Variants in COL4A4 observed in about 807,000 individuals in gnomAD.
COL4A4 encodes collagen type IV alpha 4 chain.
A neutral mutation model predicts 192.9 loss-of-function variants in COL4A4; 105 were observed. The observed-to-expected ratio is 0.54, with a 90% CI of 0.46 to 0.64. COL4A4 has a LOEUF of 0.64. COL4A4 is among the 30% of genes least tolerant of loss of function. The probability of loss-of-function intolerance (pLI) is 0.00; values close to 1 mark genes in which losing one functional copy is unlikely to be tolerated. For synonymous variants in COL4A4, 762 were observed against 769.9 expected (o/e 0.99, Z 0.17); for missense variants, 1,967 against 2,169.3 (o/e 0.91, Z 1.85).
At chr2:227,149,413 G>A (rs957487195) in intron 1 of COL4A4, among the ~76,000 whole-genome samples, 6 of 152,254 alleles carry the variant, frequency 3.9e-5, no homozygotes, top group East Asian at 3.9e-4. Flanking sequence ...GGTTGGGCCA[G>A]TAAAGCCCCT....
chr2:227,107,614 A>T (rs1346393237), intron 12 of COL4A4, among the ~76,000 whole-genome samples: 7 of 152,128 alleles, frequency 4.6e-5, no homozygotes. Context: ...TGTCTTGCTA[A>T]ATCCCCACAC....
rs1248713354 is a variant in COL4A4, at chr2:227,004,089, C to G, written c.*3236G>C. On this transcript the variant is annotated 3_prime_UTR_variant, in exon 48 of 48. Transcript: ENST00000396625. ...AATGAATTGGCAGTAATGTGTTCAA[C>G]TCTGTGCTAGGCATTAGGCATACAA... 1 of 152,196 alleles carries G rather than the reference C, an allele frequency of 6.6e-6. No homozygotes were observed. The highest frequency in any genetic ancestry group is 1.9e-4 in the East Asian group (1 of 5,196). The allele number at this position is 152,196 out of a possible 1,614,324, so 9.4% of individuals were successfully genotyped here.
At chr2:226,984,523 C>T in the COL4A4 span, among the ~76,000 whole-genome samples, 1 of 152,182 alleles carries the variant, frequency 6.6e-6, no homozygotes, top group African/African-American at 2.4e-5. Context: ...CTCCACATGC[C>T]ATCACATTGA....
At chr2:227,153,359 G>A (rs1343475117) in intron 1 of COL4A4, among the ~76,000 whole-genome samples, 1 of 152,210 alleles carries the variant, frequency 6.6e-6, no homozygotes, top group Non-Finnish European at 1.5e-5. Context: ...CTGCAGAGGT[G>A]CTGTGCCTTT....
At position 227,050,086 on chromosome 2, in the gene COL4A4, C is replaced by G. The variant is rs1333536476; in HGVS notation, c.3196G>C (p.Gly1066Arg). 6.2e-6 allele frequency: 10 copies of G among 1,614,046 alleles called. No individual in the cohort carries two copies. The highest frequency in any genetic ancestry group is 8.5e-6 in the Non-Finnish European group (10 of 1,180,006). ...PGPPGFSGIDGARGPKGNKGD... is the reference protein window; with the variant it reads ...PGPPGFSGIDRARGPKGNKGD... ...ACCATACCTTTAGGTCCTCTTGCTC[C>G]ATCAATTCCTGAAAATCCAGGGGGA... The change falls in exon 34 of 48, where the codon GGA (glycine) becomes CGA (arginine). Residue 1066 changes from glycine to arginine, a missense_variant. Gly to Arg is a moderately radical substitution (Grantham distance 125). Coordinates refer to ENST00000396625, the MANE Select transcript of COL4A4 (RefSeq NM_000092.5).
At chr2:227,162,417 A>G (rs143520212) in intron 1 of COL4A4, among the ~76,000 whole-genome samples, 2 of 152,336 alleles carry the variant, frequency 1.3e-5, no homozygotes, top group Non-Finnish European at 2.9e-5. Flanking sequence ...AAATACTGTC[A>G]GTTTGTGAAA....
chr2:227,037,787 CA>C (rs147455862), intron 37 of COL4A4, among the ~76,000 whole-genome samples: 70,867 of 151,940 alleles, frequency 0.47, 16,749 homozygotes, highest in South Asian at 0.56. Context: ...TTCTAACTGG[CA>C]ATGAGATGGT....
intron 42 of COL4A4, among the ~76,000 whole-genome samples, chr2:227,026,874 C>T (rs966062074): frequency 1.3e-5 from 2 of 152,138 alleles, no homozygotes; most frequent in South Asian, 2.1e-4. Flanking sequence ...ATTCAGGGAT[C>T]GGAATTGAAT....
chr2:227,127,372 C>T lies in COL4A4; in HGVS notation c.193-6224G>A, dbSNP rs1469763588. Among the ~76,000 whole-genome samples, 6 of 152,224 alleles carry T rather than the reference C, an allele frequency of 3.9e-5. No homozygotes were observed. In the East Asian group the frequency reaches 5.8e-4, roughly 15 times the overall value. On this transcript the variant is annotated intron_variant, in intron 4 of 47. Coordinates refer to ENST00000396625, the MANE Select transcript of COL4A4 (RefSeq NM_000092.5). The stretch of plus-strand genomic sequence containing the variant: ...ACCGTATCATCAAACCTGTTATTTG[C>T]GCCTCCCTAGAGCAGCAGTAGGCTC...
At chr2:227,072,641 A>G (rs1391232329) in intron 25 of COL4A4, among the ~76,000 whole-genome samples, 2 of 151,990 alleles carry the variant, frequency 1.3e-5, no homozygotes, top group African/African-American at 2.4e-5. Flanking sequence ...ATGAACATAG[A>G]TGCAAAAATC....
intron 13 of COL4A4, among the ~76,000 whole-genome samples, chr2:227,103,435 C>T (rs1463562103): frequency 2.0e-5 from 3 of 152,130 alleles, no homozygotes; most frequent in Non-Finnish European, 4.4e-5. Flanking sequence ...GCAGCAGATA[C>T]AATTTGGGAA....
At chr2:227,147,383 A>C (rs1399656369) in intron 2 of COL4A4, 30 bp downstream of exon 2, 6 of 1,599,216 alleles carry the variant, frequency 3.8e-6, no homozygotes, top group Non-Finnish European at 5.1e-6. Flanking sequence ...TTACTAAATA[A>C]AAGCAGGCAA....
At chr2:226,991,700 A>G in the COL4A4 span, among the ~76,000 whole-genome samples, 5 of 152,156 alleles carry the variant, frequency 3.3e-5, no homozygotes, top group African/African-American at 1.2e-4. Flanking sequence ...TTTTATAGAT[A>G]AGGAAACTAA....
At chr2:227,144,081 A>G (rs139019827) in intron 3 of COL4A4, among the ~76,000 whole-genome samples, 26 of 152,320 alleles carry the variant, frequency 1.7e-4, no homozygotes, top group African/African-American at 4.6e-4. Context: ...GCAGGCCACA[A>G]TGGGATTTCC....
At chr2:227,141,797 A>G (rs980340379) in intron 3 of COL4A4, among the ~76,000 whole-genome samples, 2 of 152,006 alleles carry the variant, frequency 1.3e-5, no homozygotes, top group African/African-American at 4.8e-5. Context: ...TAAGTTAAAC[A>G]CCCTGATAAG....
chr2:227,020,986 C>T (rs1468771984), intron 44 of COL4A4, among the ~76,000 whole-genome samples: 1 of 150,060 alleles, frequency 6.7e-6, no homozygotes, highest in Non-Finnish European at 1.5e-5. Flanking sequence ...CTGTCTCAGC[C>T]TCCCAGGTGG....
intron 1 of COL4A4, among the ~76,000 whole-genome samples, chr2:227,160,228 A>G (rs111346964): frequency 5.9e-5 from 9 of 152,368 alleles, no homozygotes; most frequent in African/African-American, 1.9e-4. Flanking sequence ...TTGTGAAGTT[A>G]AAGGGGAACT....
chr2:227,131,257 G>T (rs538216917), intron 4 of COL4A4, among the ~76,000 whole-genome samples: 1 of 151,394 alleles, frequency 6.6e-6, no homozygotes, highest in East Asian at 1.9e-4. Flanking sequence ...CCAGGTTCAA[G>T]CAATTCTCTG....
At chr2:227,053,652 A>G (rs1974658123) in intron 31 of COL4A4, among the ~76,000 whole-genome samples, 1 of 144,126 alleles carries the variant, frequency 6.9e-6, no homozygotes, top group Non-Finnish European at 1.5e-5. Flanking sequence ...GGTTCACACC[A>G]TTCTCCTGCC....
Sources: gnomAD v4.1 joint callset for allele counts (sites outside exome capture counted in the v4.1 genomes callset) on GRCh38, gnomAD v4.1.1 for gene constraint, MANE v1.5 for transcripts, NCBI Gene and HGNC (gene_info 2026-07-23, HGNC 2026-07-21) for gene names.